SLIT2: variants seen among roughly 807,000 people sequenced by gnomAD.
SLIT2 encodes the protein slit guidance ligand 2, also known as slit homolog 2 protein.
In SLIT2, 41 loss-of-function variants were observed where a neutral mutation model predicts 185.7. The ratio of observed to expected loss-of-function variants is 0.22; its 90% confidence interval spans 0.17 to 0.29. The LOEUF is 0.29. Ranked by LOEUF, SLIT2 falls within the 10% of genes least tolerant of loss-of-function variation. The pLI is 1.00. For missense variants in SLIT2, 1,571 were observed against 1,909.0 expected (o/e 0.82, Z 3.30); for synonymous variants, 693 against 680.2 (o/e 1.02, Z -0.29).
At chr4:20,569,392 AT>A (rs1725372303) in intron 29 of SLIT2, 1 of 215,020 alleles carries the variant, frequency 4.7e-6, no homozygotes, top group Non-Finnish European at 9.4e-6. Flanking sequence ...TTTTGAGATC[AT>A]TTGTCTTCAT....
intron 30 of SLIT2, among the ~76,000 whole-genome samples, chr4:20,594,142 T>C (rs553424846): frequency 2.7e-5 from 4 of 147,382 alleles, no homozygotes; most frequent in African/African-American, 5.1e-5. Flanking sequence ...TATACATATA[T>C]ACACACATAC....
intron 9 of SLIT2, among the ~76,000 whole-genome samples, chr4:20,502,340 G>T (rs991458269): frequency 6.6e-6 from 1 of 152,124 alleles, no homozygotes; most frequent in Non-Finnish European, 1.5e-5. Context: ...AACACAAGAA[G>T]CACATGCAGA....
At chr4:20,262,390 A>G (rs1315400385) in intron 3 of SLIT2, among the ~76,000 whole-genome samples, 2 of 151,832 alleles carry the variant, frequency 1.3e-5, no homozygotes, top group African/African-American at 4.8e-5. Context: ...GGTCTGAAAG[A>G]AAGCATCATT....
intron 4 of SLIT2, among the ~76,000 whole-genome samples, chr4:20,465,077 A>G (rs189629492): frequency 6.6e-6 from 1 of 152,328 alleles, no homozygotes; most frequent in Non-Finnish European, 1.5e-5. Context: ...TTTGCAAATA[A>G]CAATTAAGTC....
At position 20,354,886 on chromosome 4, in the gene SLIT2, C is replaced by CGT. The variant is rs370122919; in HGVS notation, c.395+86025_395+86026dup. Among the ~76,000 whole-genome samples the CGT allele has an allele frequency of 1.8e-3, 246 of 136,000 alleles. 1 individual carries two copies. Among genetic ancestry groups the CGT allele is most frequent in the East Asian group, 5.1e-3 (23 of 4,544 alleles). 89.2% of individuals were successfully genotyped at this position (136,000 alleles called of 152,430 possible). A position where few individuals can be genotyped will look rare whatever the true frequency, so the allele number is the denominator to read the frequency against. Reference sequence around the variant, plus strand: ...AAAATGGACACGTGTGGCAAGTCTGCGTGTGTGTGTGTGTGTGTGTGAGAG... The same window carrying CGT: ...AAAATGGACACGTGTGGCAAGTCTGCGTGTGTGTGTGTGTGTGTGTGTGAGAG... On this transcript the variant is annotated intron_variant, in intron 4 of 36. Transcript: ENST00000504154.
At chr4:20,511,324 A>C (rs1719689285) in intron 11 of SLIT2, among the ~76,000 whole-genome samples, 187 bp downstream of exon 11, 1 of 151,936 alleles carries the variant, frequency 6.6e-6, no homozygotes, top group Admixed American at 6.6e-5. Context: ...CCATCACTAA[A>C]ATTAGCCAAT....
chr4:20,355,905 T>G (rs980459768), intron 4 of SLIT2, among the ~76,000 whole-genome samples: 1 of 152,170 alleles, frequency 6.6e-6, no homozygotes, highest in Non-Finnish European at 1.5e-5. Flanking sequence ...GGTCATCTAA[T>G]GTAATTCAAT....
intron 4 of SLIT2, among the ~76,000 whole-genome samples, chr4:20,322,258 C>T (rs1719159318): frequency 1.3e-5 from 2 of 152,174 alleles, no homozygotes; most frequent in Admixed American, 6.5e-5. Flanking sequence ...ATTCTGATGA[C>T]ATGTGCCCAA....
intron 33 of SLIT2, among the ~76,000 whole-genome samples, chr4:20,602,974 G>C (rs986547126): frequency 1.3e-5 from 2 of 152,056 alleles, no homozygotes; most frequent in Admixed American, 6.6e-5. Context: ...GGAATATGGC[G>C]CACGGGCCTA....
At chr4:20,439,938 GA>G in intron 4 of SLIT2, among the ~76,000 whole-genome samples, 1 of 152,214 alleles carries the variant, frequency 6.6e-6, no homozygotes, top group Non-Finnish European at 1.5e-5. Flanking sequence ...AAAGCACACA[GA>G]AAGCAGATCA....
intron 4 of SLIT2, among the ~76,000 whole-genome samples, chr4:20,341,625 G>A (rs1560333630): frequency 6.6e-6 from 1 of 152,148 alleles, no homozygotes; most frequent in Non-Finnish European, 1.5e-5. Flanking sequence ...TGTATCTAGG[G>A]GAAGTATTCA....
At chr4:20,501,776 G>T (rs1038437794) in intron 9 of SLIT2, among the ~76,000 whole-genome samples, 1 of 152,048 alleles carries the variant, frequency 6.6e-6, no homozygotes, top group Non-Finnish European at 1.5e-5. Flanking sequence ...CTATATTTTG[G>T]TAAAATTCCT....
At chr4:20,280,769 A>G (rs1714670599) in intron 4 of SLIT2, among the ~76,000 whole-genome samples, 1 of 152,000 alleles carries the variant, frequency 6.6e-6, no homozygotes, top group Non-Finnish European at 1.5e-5. Flanking sequence ...CTCTATTATT[A>G]GCTTACATTT....
At chr4:20,598,426 A>G (rs761110074) in intron 33 of SLIT2, 31 bp downstream of exon 33, 1 of 1,611,364 alleles carries the variant, frequency 6.2e-7, no homozygotes, top group South Asian at 1.1e-5. Flanking sequence ...GGTAAAGGTG[A>G]AAAAAATTGC....
In SLIT2 at chr4:20,539,541, G is replaced by C. The variant is rs767695836; in HGVS notation, c.1933G>C (p.Val645Leu). 33 of 1,612,694 alleles carry C rather than the reference G, an allele frequency of 2.0e-5. No homozygotes were observed. The Admixed American group carries it at 5.5e-4, about 27-fold the overall frequency. ...LSLYDNQITT[V>L]APGAFDTLHS... ...TTTGTATGATAATCAAATTACTACA[G>C]TTGCACCAGGGGCATTTGATACTCT... is the stretch of plus-strand genomic sequence containing the variant. The change falls in exon 19 of 37, where the codon GTT (valine) becomes CTT (leucine). Residue 645 changes from valine (V) to leucine (L), a missense_variant. Val to Leu is a conservative substitution (Grantham distance 32). Coordinates refer to ENST00000504154, the MANE Select transcript of SLIT2 (RefSeq NM_004787.4).
chr4:20,411,089 T>C (rs898296373), intron 4 of SLIT2, among the ~76,000 whole-genome samples: 3 of 152,200 alleles, frequency 2.0e-5, no homozygotes, highest in Non-Finnish European at 4.4e-5. Context: ...TCTGATTTCT[T>C]TGAGCAGTGG....
intron 5 of SLIT2, among the ~76,000 whole-genome samples, chr4:20,478,081 C>A (rs1716313259): frequency 6.6e-6 from 1 of 152,170 alleles, no homozygotes; most frequent in Non-Finnish European, 1.5e-5. Flanking sequence ...GAACCATATA[C>A]AGACAAATGA....
intron 4 of SLIT2, among the ~76,000 whole-genome samples, chr4:20,376,358 C>T (rs1416305383): frequency 6.6e-6 from 1 of 151,610 alleles, no homozygotes; most frequent in African/African-American, 2.4e-5. Context: ...TCTCAGTGAC[C>T]CATAGATGAC....
intron 6 of SLIT2, among the ~76,000 whole-genome samples, chr4:20,482,009 T>G (rs67576711): frequency 0.17 from 25,530 of 151,952 alleles, 2,180 homozygotes; most frequent in Middle Eastern, 0.24. Context: ...TCATATACAT[T>G]TTAGCTTTAA....
Sources: allele counts gnomAD v4.1 joint callset (sites outside exome capture counted in the v4.1 genomes callset), GRCh38; gene constraint gnomAD v4.1.1; transcripts MANE v1.5; gene names NCBI Gene and HGNC (gene_info 2026-07-23, HGNC 2026-07-21).